The following PTGFR variants were observed in gnomAD, a reference collection of about 807,000 sequenced individuals.
PTGFR encodes the protein prostaglandin F receptor.
PTGFR carries 15 observed loss-of-function variants against 26.2 expected under a neutral mutation model. The ratio of observed to expected loss-of-function variants is 0.57; its 90% confidence interval spans 0.38 to 0.88. The LOEUF (loss-of-function observed/expected upper bound fraction) is 0.88. PTGFR is among the 40% of genes least tolerant of loss of function. PTGFR has a pLI of 0.00. For missense variants in PTGFR, 369 were observed against 427.2 expected, an observed-to-expected ratio of 0.86 and a Z score of 1.20; for synonymous variants, 165 against 151.1, an observed-to-expected ratio of 1.09 and a Z score of -0.68.
At chr1:78,534,919 G>A (rs933231564) in intron 2 of PTGFR, among the ~76,000 whole-genome samples, 1 of 152,108 alleles carries the variant, frequency 6.6e-6, no homozygotes, top group Non-Finnish European at 1.5e-5. Flanking sequence ...TTCTTTTACA[G>A]AAATACTCTC....
At chr1:78,495,249 T>C (rs996113643) in intron 2 of PTGFR, among the ~76,000 whole-genome samples, 2 of 152,246 alleles carry the variant, frequency 1.3e-5, no homozygotes, top group African/African-American at 4.8e-5. Context: ...GAGTCTGATC[T>C]GTGATTAAAG....
intron 2 of PTGFR, among the ~76,000 whole-genome samples, chr1:78,504,968 A>G (rs1000732266): frequency 6.6e-6 from 1 of 152,116 alleles, no homozygotes; most frequent in African/African-American, 2.4e-5. Context: ...TTTAGACTTG[A>G]GTACAATTGA....
chr1:78,494,736 G>A (rs543800861), intron 2 of PTGFR, among the ~76,000 whole-genome samples: 13 of 152,154 alleles, frequency 8.5e-5, no homozygotes, highest in Non-Finnish European at 1.6e-4. Context: ...CTCCTGAGTA[G>A]CTGGGATTAC....
At position 78,493,398 on chromosome 1, in the gene PTGFR, T is replaced by C. The variant is rs1206941326; in HGVS notation, c.655T>C (p.Cys219Arg). The change falls in exon 2 of 3, where the codon TGC becomes CGC. Residue 219 changes from cysteine to arginine, a missense_variant. Coordinates refer to ENST00000370757, the MANE Select transcript of PTGFR (RefSeq NM_000959.4). ...GLLALGVSLL[C>R]NAITGITLLR... ...CTTAGCCCTTGGTGTTTCATTGTTG[T>C]GCAATGCAATCACAGGAATTACACT... 6.2e-7 allele frequency: 1 copy of C among 1,613,812 alleles called. No homozygotes were observed. The highest frequency in any genetic ancestry group is 1.7e-5 in the Admixed American group (1 of 59,966).
chr1:78,502,526 G>A (rs938412579), intron 2 of PTGFR, among the ~76,000 whole-genome samples: 4 of 152,108 alleles, frequency 2.6e-5, no homozygotes, highest in African/African-American at 9.7e-5. Context: ...TTAAAATAGT[G>A]TTTGACATAT....
intron 2 of PTGFR, among the ~76,000 whole-genome samples, chr1:78,494,293 A>T (rs1649488915): frequency 1.3e-5 from 2 of 152,242 alleles, no homozygotes; most frequent in Non-Finnish European, 2.9e-5. Context: ...GATAAGTATG[A>T]CCTTAACTCC....
intron 2 of PTGFR, among the ~76,000 whole-genome samples, chr1:78,521,361 T>C (rs1404451765): frequency 6.6e-6 from 1 of 152,154 alleles, no homozygotes; most frequent in East Asian, 1.9e-4. Context: ...TACATACGTA[T>C]ATGGCTGAAC....
In PTGFR at chr1:78,493,353, C is replaced by G; in HGVS notation, c.610C>G (p.Leu204Val). The G allele has an allele frequency of 6.2e-7, 1 of 1,613,994 alleles. No individual in the cohort carries two copies. Among genetic ancestry groups the G allele is most frequent in the Admixed American group, 1.7e-5 (1 of 59,974 alleles). Residue 204 changes from leucine to valine, a missense_variant, in exon 2 of 3, where the codon CTT becomes GTT. Transcript: ENST00000370757. The part of the protein sequence containing the change: ...KDWEDRFYLL[L>V]FSFLGLLALG... The stretch of plus-strand genomic sequence containing the variant: ...CTGGGAAGATAGATTTTATCTTCTA[C>G]TTTTTTCTTTTCTGGGGCTCTTAGC...
At chr1:78,511,050 C>T (rs1649955994) in intron 2 of PTGFR, among the ~76,000 whole-genome samples, 2 of 152,236 alleles carry the variant, frequency 1.3e-5, no homozygotes, top group Admixed American at 1.3e-4. Context: ...TTGCAGGGTG[C>T]AGCCACCATG....
intron 2 of PTGFR, among the ~76,000 whole-genome samples, chr1:78,511,372 A>G (rs1649966264): frequency 6.6e-6 from 1 of 152,166 alleles, no homozygotes; most frequent in African/African-American, 2.4e-5. Context: ...CATTCTGTGC[A>G]CCTATAGGTT....
intron 2 of PTGFR, among the ~76,000 whole-genome samples, chr1:78,515,877 C>T (rs1473436748): frequency 1.3e-5 from 2 of 152,112 alleles, no homozygotes; most frequent in Admixed American, 6.6e-5. Context: ...TGCAGCTCAT[C>T]CTTTAGGATC....
intron 1 of PTGFR, among the ~76,000 whole-genome samples, chr1:78,491,948 A>G (rs1649411478): frequency 6.6e-6 from 1 of 151,926 alleles, no homozygotes; most frequent in African/African-American, 2.4e-5. Context: ...TGCTACTCTG[A>G]AGCTGTAACT....
intron 2 of PTGFR, among the ~76,000 whole-genome samples, chr1:78,510,443 G>C (rs1331698245): frequency 6.6e-6 from 1 of 152,024 alleles, no homozygotes; most frequent in Non-Finnish European, 1.5e-5. Context: ...GAAGGGAGGT[G>C]CACACTCTGT....
At position 78,520,157 on chromosome 1, in the gene PTGFR, G is replaced by A. The variant is rs559458962; in HGVS notation, c.799-16249G>A. 3.3e-5 allele frequency among the ~76,000 whole-genome samples: 5 copies of A among 152,088 alleles called. No homozygotes were observed. In the South Asian group the frequency reaches 6.2e-4, roughly 19 times the overall value. On this transcript the variant is annotated intron_variant, in intron 2 of 2. Coordinates refer to ENST00000370757, the MANE Select transcript of PTGFR (RefSeq NM_000959.4). Reference sequence around the variant, plus strand: ...GGGTTTGCGCCATTCTGAGATAGGGGGTTTTGGATCTTGAGTCTTTCACTG... The same window carrying A: ...GGGTTTGCGCCATTCTGAGATAGGGAGTTTTGGATCTTGAGTCTTTCACTG...
chr1:78,538,726 A>G lies in PTGFR; in HGVS notation c.*2039A>G, dbSNP rs1388852286. On this transcript the variant is annotated 3_prime_UTR_variant, in exon 3 of 3. Coordinates refer to ENST00000370757, the MANE Select transcript of PTGFR (RefSeq NM_000959.4). ...TGGAACATCTACCAATAACTTTCAC[A>G]TAAATGTTCAAAATAGAAGTGTATT... is the stretch of plus-strand genomic sequence containing the variant. 1 of 152,094 alleles carries G rather than the reference A, an allele frequency of 6.6e-6. No homozygotes were observed. The highest frequency in any genetic ancestry group is 1.5e-5 in the Non-Finnish European group (1 of 68,014). 9.4% of individuals were successfully genotyped at this position (152,094 alleles called of 1,614,324 possible). A position where few individuals can be genotyped will look rare whatever the true frequency, so the allele number is the denominator to read the frequency against.
At chr1:78,502,150 T>C (rs554895841) in intron 2 of PTGFR, among the ~76,000 whole-genome samples, 1 of 152,320 alleles carries the variant, frequency 6.6e-6, no homozygotes, top group East Asian at 1.9e-4. Context: ...GAAGTAAAGA[T>C]GTTGCCTGCT....
At chr1:78,503,544 C>T (rs1649758432) in intron 2 of PTGFR, among the ~76,000 whole-genome samples, 1 of 152,132 alleles carries the variant, frequency 6.6e-6, no homozygotes, top group Admixed American at 6.6e-5. Context: ...GGGTGTCTCT[C>T]CAGGTGGAGG....
chr1:78,495,598 C>T (rs1649528572), intron 2 of PTGFR, among the ~76,000 whole-genome samples: 1 of 152,160 alleles, frequency 6.6e-6, no homozygotes, highest in African/African-American at 2.4e-5. Context: ...AAATGAGAGA[C>T]ATAATCCGGA....
intron 2 of PTGFR, among the ~76,000 whole-genome samples, chr1:78,517,788 G>C (rs892027451): frequency 6.6e-6 from 1 of 152,142 alleles, no homozygotes; most frequent in Non-Finnish European, 1.5e-5. Flanking sequence ...CAAGGGAAAG[G>C]TGTGATCTAA....
Sources: allele counts gnomAD v4.1 joint callset (sites outside exome capture counted in the v4.1 genomes callset), GRCh38; gene constraint gnomAD v4.1.1; transcripts MANE v1.5; gene names NCBI Gene and HGNC (gene_info 2026-07-23, HGNC 2026-07-21).